Variants in ITGB7 observed in about 807,000 individuals in gnomAD.
The protein encoded by ITGB7 is integrin subunit beta 7.
In ITGB7, 55 loss-of-function variants were observed where a neutral mutation model predicts 83.4. The observed-to-expected ratio is 0.66, with a 90% CI of 0.53 to 0.83. The LOEUF (loss-of-function observed/expected upper bound fraction) is 0.83. Among genes scored for constraint, ITGB7 ranks in the 40% least tolerant of loss-of-function variants. The pLI, the probability that ITGB7 is intolerant of heterozygous loss-of-function variation, is 0.00. For synonymous variants in ITGB7, 454 were observed against 423.6 expected (o/e 1.07, Z -0.88); for missense variants, 921 against 1,046.7 (o/e 0.88, Z 1.66).
intron 7 of ITGB7, 29 bp from the exon 8 acceptor site, chr12:53,195,750 C>G (rs765518746): frequency 6.4e-7 from 1 of 1,561,448 alleles, no homozygotes. Context: ...ACAAGGTGAG[C>G]CCCACAGGTT....
chr12:53,196,262 G>A (rs1942157180), intron 6 of ITGB7, 63 bp from the exon 7 acceptor site: 5 of 1,567,968 alleles, frequency 3.2e-6, no homozygotes, highest in Non-Finnish European at 4.4e-6. Flanking sequence ...ACCCCAGCCA[G>A]CTCTGTGAGC....
intron 1 of ITGB7, chr12:53,201,447 A>T (rs1942319403): frequency 6.6e-6 from 1 of 152,174 alleles, no homozygotes; most frequent in Non-Finnish European, 1.5e-5. Context: ...GTTGGCAAAA[A>T]AATTTTCTAC....
intron 9 of ITGB7, 45 bp from the exon 10 acceptor site, chr12:53,194,389 GACTCCA>G: frequency 6.3e-7 from 1 of 1,599,486 alleles, no homozygotes; most frequent in Non-Finnish European, 8.5e-7. Context: ...GGCAGAAAAG[GACTCCA>G]ACCCCACCTT....
intron 3 of ITGB7, 131 bp from the exon 4 acceptor site, chr12:53,198,082 C>T: frequency 1.6e-6 from 1 of 628,022 alleles, no homozygotes; most frequent in Non-Finnish European, 2.7e-6. Context: ...TCCCTGATTC[C>T]CTCCCCTCTT....
chr12:53,195,325 C>T lies in ITGB7; in HGVS notation c.1161+49G>A, dbSNP rs774156974. ...ACCCCACCCAAGGGCCCCTTTCCAC[C>T]TTTCCCTAGTGCCCACCCTCACCAT... On this transcript the variant is annotated intron_variant, in intron 9 of 15. Coordinates refer to ENST00000267082, the MANE Select transcript of ITGB7 (RefSeq NM_000889.3). The T allele has an allele frequency of 3.5e-6, 5 of 1,416,472 alleles. No individual in the cohort carries two copies. The African/African-American group carries it at 7.0e-5, about 20-fold the overall frequency. The allele number at this position is 1,416,472 out of a possible 1,614,324, so 87.7% of individuals were successfully genotyped here. A position where few individuals can be genotyped will look rare whatever the true frequency, so the allele number is the denominator to read the frequency against.
At chr12:53,195,179 T>C (rs1942114881) in intron 9 of ITGB7, 195 bp downstream of exon 9, 3 of 595,376 alleles carry the variant, frequency 5.0e-6, no homozygotes, top group Non-Finnish European at 9.0e-6. Flanking sequence ...GCTGTCTGCA[T>C]GTCAGATGTT....
chr12:53,195,806 C>G (rs1592402497), intron 7 of ITGB7, 85 bp from the exon 8 acceptor site: 3 of 1,237,612 alleles, frequency 2.4e-6, no homozygotes, highest in Middle Eastern at 2.3e-4. Flanking sequence ...AATCCAGGAA[C>G]CAAGGTTCCA....
At chr12:53,193,427 C>G in intron 11 of ITGB7, 64 bp from the exon 12 acceptor site, 2 of 1,223,874 alleles carry the variant, frequency 1.6e-6, no homozygotes, top group Non-Finnish European at 2.2e-6. Context: ...ACTTGTCTCT[C>G]CCAGGAACCT....
At position 53,200,326 on chromosome 12, in the gene ITGB7, A is replaced by G. The variant is rs1942295424; in HGVS notation, c.118T>C (p.Ser40Pro). Reference protein sequence around the residue: ...DATEWRNPHLSMLGSCQPAPS... With the variant: ...DATEWRNPHLPMLGSCQPAPS... Reference sequence around the variant, plus strand: ...GCTGGCTGGCAGGACCCCAGCATGGACAGGTGAGGATTCCGCCATTCTGTG... The same window carrying G: ...GCTGGCTGGCAGGACCCCAGCATGGGCAGGTGAGGATTCCGCCATTCTGTG... Residue 40 changes from serine to proline, a missense_variant, in exon 3 of 16, where the codon TCC becomes CCC. Physicochemically the swap from Ser to Pro is moderately conservative, Grantham distance 74. Transcript: ENST00000267082. 1 of 1,614,192 alleles carries G rather than the reference A, an allele frequency of 6.2e-7. No homozygotes were observed. Among genetic ancestry groups the G allele is most frequent in the East Asian group, 2.2e-5 (1 of 44,882 alleles).
intron 5 of ITGB7, chr12:53,197,024 C>G (rs1301388880): frequency 1.6e-6 from 1 of 608,974 alleles, no homozygotes; most frequent in Non-Finnish European, 2.9e-6. Flanking sequence ...AAGAGGAGGA[C>G]ACAACTTCCT....
chr12:53,199,948 C>T (rs1011040354), intron 3 of ITGB7, among the ~76,000 whole-genome samples: 1 of 152,222 alleles, frequency 6.6e-6, no homozygotes, highest in Non-Finnish European at 1.5e-5. Context: ...TGAATTCCCA[C>T]AAGCACATAC....
intron 10 of ITGB7, 108 bp downstream of exon 10, chr12:53,194,090 A>C: frequency 6.7e-7 from 1 of 1,498,266 alleles, no homozygotes; most frequent in Non-Finnish European, 9.2e-7. Flanking sequence ...GGACTACCTC[A>C]GGCTCTCATG....
At chr12:53,192,560 G>A (rs780917803) in intron 13 of ITGB7, 22 bp from the exon 14 acceptor site, 1 of 1,611,510 alleles carries the variant, frequency 6.2e-7, no homozygotes, top group Admixed American at 1.7e-5. Flanking sequence ...ATGCCAATAG[G>A]TTACCAGCTG....
Position 53,195,719 on chromosome 12 carries a change from G to GCCTGGGGCAGGGAGAAGGC in ITGB7, c.977_978insGCCTTCTCCCTGCCCCAGG (p.Asp326GlufsTer42). The GCCTGGGGCAGGGAGAAGGC allele has an allele frequency of 6.2e-7, 1 of 1,612,628 alleles. No homozygotes were observed. The highest frequency in any genetic ancestry group is 8.5e-7 in the Non-Finnish European group (1 of 1,178,692). ...GGGCTACCTGACCCACAGAAGGGTAGTCCTGGGACAGGGAGCAGGGACAAG... is the reference window on the plus strand; with the variant it reads ...GGGCTACCTGACCCACAGAAGGGTAGCCTGGGGCAGGGAGAAGGCTCCTGGGACAGGGAGCAGGGACAAG... On this transcript the variant is annotated frameshift_variant and splice_region_variant, in exon 8 of 16. Coordinates refer to ENST00000267082, the MANE Select transcript of ITGB7 (RefSeq NM_000889.3). LOFTEE classifies it high-confidence loss of function.
intron 9 of ITGB7, chr12:53,194,770 C>G (rs1176502981): frequency 2.3e-5 from 4 of 176,206 alleles, no homozygotes; most frequent in African/African-American, 4.7e-5. Context: ...TCCCTGTTAT[C>G]AAGAAGCCTA....
At chr12:53,207,010 G>A (rs1414715799) in intron 1 of ITGB7, among the ~76,000 whole-genome samples, 192 bp downstream of exon 1, 3 of 152,186 alleles carry the variant, frequency 2.0e-5, no homozygotes, top group East Asian at 3.8e-4. Flanking sequence ...GGTGGAGGTG[G>A]GGGTACTGTG....
chr12:53,205,159 C>G (rs2120541707), intron 1 of ITGB7, among the ~76,000 whole-genome samples: 1 of 151,864 alleles, frequency 6.6e-6, no homozygotes, highest in South Asian at 2.1e-4. Flanking sequence ...ACAAATAATG[C>G]TGAAATGAAA....
intron 13 of ITGB7, 75 bp downstream of exon 13, chr12:53,192,614 GGA>G: frequency 4.4e-6 from 7 of 1,596,476 alleles, no homozygotes; most frequent in Non-Finnish European, 6.0e-6. Context: ...CAAGCAGGAC[GGA>G]GAGTAGGCAG....
At position 53,193,158 on chromosome 12, in the gene ITGB7, C is replaced by T; in HGVS notation, c.1708G>A (p.Glu570Lys). 6.2e-7 allele frequency: 1 copy of T among 1,611,926 alleles called. No homozygotes were observed. The highest frequency in any genetic ancestry group is 1.1e-5 in the South Asian group (1 of 90,942). ...CAGGTACCTCCGCAGAGGATGCCCT[C>T]ATGTCGCTCACAGCTGGCATCGTCA... ...ECDDASCERHEGILCGGFGRC... is the reference protein window; with the variant it reads ...ECDDASCERHKGILCGGFGRC... The change falls in exon 12 of 16, where the codon GAG (glutamate) becomes AAG (lysine). Residue 570 changes from glutamate (E) to lysine (K), a missense_variant. By Grantham distance (56) the Glu-to-Lys change is moderately conservative. Transcript: ENST00000267082.
Sources: gnomAD v4.1 joint callset for allele counts (sites outside exome capture counted in the v4.1 genomes callset) on GRCh38, gnomAD v4.1.1 for gene constraint, MANE v1.5 for transcripts, NCBI Gene and HGNC (gene_info 2026-07-23, HGNC 2026-07-21) for gene names.